The following GRM7 variants were observed in gnomAD, a reference collection of about 807,000 sequenced individuals.
The protein encoded by GRM7 is metabotropic glutamate receptor 7.
In GRM7, 35 loss-of-function variants were observed where a neutral mutation model predicts 84.5. The ratio of observed to expected loss-of-function variants is 0.41; its 90% CI spans 0.32 to 0.55. The LOEUF is 0.55. Ranked by LOEUF, GRM7 falls within the 20% of genes least tolerant of loss-of-function variation. The pLI is 0.19. For synonymous variants in GRM7, 487 were observed against 455.1 expected (o/e 1.07, Z -0.89); for missense variants, 1,003 against 1,194.6 (o/e 0.84, Z 2.36).
At position 7,269,698 on chromosome 3, in the gene GRM7, A is replaced by C. The variant is rs1318923520; in HGVS notation, c.737-28986A>C. ...CTTCTAGTCATTCAAATTAAAGTTT[A>C]TTTTTCTGCTGGGTAAGGAAGACAG... On this transcript the variant is annotated intron_variant, in intron 2 of 9. Transcript: ENST00000357716. 2.6e-5 allele frequency among the ~76,000 whole-genome samples: 4 copies of C among 151,972 alleles called. No individual in the cohort carries two copies. In the East Asian group the frequency reaches 7.7e-4, roughly 29 times the overall value.
chr3:7,470,224 G>A (rs1375279388), intron 7 of GRM7, among the ~76,000 whole-genome samples: 1 of 152,098 alleles, frequency 6.6e-6, no homozygotes, highest in Non-Finnish European at 1.5e-5. Context: ...TAGTTTCAAT[G>A]TATGCTTAAC....
At chr3:6,991,535 A>C (rs1694634974) in intron 1 of GRM7, among the ~76,000 whole-genome samples, 1 of 152,248 alleles carries the variant, frequency 6.6e-6, no homozygotes, top group Admixed American at 6.5e-5. Context: ...GTTAAGAGTC[A>C]GTGAAGAAGA....
rs1314437365 is a variant in GRM7 at position 7,229,745 on chromosome 3, ATATATATATATATAT to A, written c.737-68937_737-68923del. Among the ~76,000 whole-genome samples, 31 of 30,878 alleles carry A rather than the reference ATATATATATATATAT, an allele frequency of 1.0e-3. 2 individuals carry two copies. The highest frequency in any genetic ancestry group is 4.8e-3 in the South Asian group (4 of 838). 20.3% of individuals were successfully genotyped at this position (30,878 alleles called of 152,430 possible). ...CACACACATATATATATATATATAT[ATATATATATATATAT>A]TTTTTTTTTTTTTTGGTTGACAGGT... is the stretch of plus-strand genomic sequence containing the variant. On this transcript the variant is annotated intron_variant, in intron 2 of 9. Transcript: ENST00000357716.
chr3:7,069,445 C>A (rs1697785568), intron 1 of GRM7, among the ~76,000 whole-genome samples: 1 of 152,012 alleles, frequency 6.6e-6, no homozygotes, highest in Non-Finnish European at 1.5e-5. Flanking sequence ...TCCCATGGGC[C>A]AAACCTAATT....
chr3:7,336,421 C>T (rs772631668), intron 4 of GRM7, among the ~76,000 whole-genome samples: 9 of 151,888 alleles, frequency 5.9e-5, no homozygotes, highest in African/African-American at 9.7e-5. Context: ...CTGTGACAAA[C>T]CCACAGTCAA....
intron 7 of GRM7, among the ~76,000 whole-genome samples, chr3:7,461,974 G>A (rs1171760474): frequency 6.6e-6 from 1 of 152,168 alleles, no homozygotes; most frequent in East Asian, 1.9e-4. Context: ...TGAGACTGGG[G>A]TTACTTAGCA....
chr3:7,068,834 A>G (rs1697761917), intron 1 of GRM7, among the ~76,000 whole-genome samples: 3 of 151,948 alleles, frequency 2.0e-5, no homozygotes, highest in Non-Finnish European at 4.4e-5. Flanking sequence ...AACCCCTGAT[A>G]TATATTAAAT....
At chr3:7,311,118 C>T (rs1056893768) in intron 4 of GRM7, among the ~76,000 whole-genome samples, 21 of 151,876 alleles carry the variant, frequency 1.4e-4, no homozygotes, top group African/African-American at 5.1e-4. Flanking sequence ...TTCTAGAGGT[C>T]AAGAATAAAA....
Position 7,118,458 on chromosome 3 carries a change from T to A in GRM7, c.520-27994T>A, listed in dbSNP as rs76851504. Among the ~76,000 whole-genome samples, 684 of 150,166 alleles carry A rather than the reference T, an allele frequency of 4.6e-3. 6 individuals are homozygous for A. Among genetic ancestry groups the A allele is most frequent in the African/African-American group, 0.016 (655 of 40,752 alleles). On this transcript the variant is annotated intron_variant, in intron 1 of 9. Transcript: ENST00000357716. ...AACTTCACCATTATCTAAAATCCTT[T>A]TTAGAGAAAGAATAAAATTTAATCT...
chr3:7,330,345 G>A (rs1701155118), intron 4 of GRM7, among the ~76,000 whole-genome samples: 2 of 152,118 alleles, frequency 1.3e-5, no homozygotes, highest in African/African-American at 2.4e-5. Context: ...CCATTTCTGT[G>A]TTGATTTACA....
At chr3:7,337,533 C>A (rs1279090292) in intron 4 of GRM7, among the ~76,000 whole-genome samples, 4 of 151,796 alleles carry the variant, frequency 2.6e-5, no homozygotes, top group African/African-American at 9.7e-5. Context: ...GGACTAATAT[C>A]CAAAAATCTA....
At chr3:7,197,561 A>G (rs2125110663) in intron 2 of GRM7, among the ~76,000 whole-genome samples, 1 of 152,218 alleles carries the variant, frequency 6.6e-6, no homozygotes, top group East Asian at 1.9e-4. Context: ...AATGTAGTCC[A>G]TTCATATAGA....
At chr3:7,517,575 G>A (rs1303195970) in intron 7 of GRM7, among the ~76,000 whole-genome samples, 9 of 151,944 alleles carry the variant, frequency 5.9e-5, no homozygotes, top group Non-Finnish European at 5.9e-5. Flanking sequence ...GTATTTTTTT[G>A]TAGAGACAAG....
chr3:7,679,388 C>T (rs1405449750), intron 8 of GRM7, among the ~76,000 whole-genome samples: 3 of 150,734 alleles, frequency 2.0e-5, no homozygotes, highest in Non-Finnish European at 4.4e-5. Flanking sequence ...CTGCAAATAA[C>T]ACAACTCCAG....
intron 8 of GRM7, among the ~76,000 whole-genome samples, chr3:7,598,611 A>G (rs2125068574): frequency 6.6e-6 from 1 of 152,316 alleles, no homozygotes; most frequent in South Asian, 2.1e-4. Context: ...TAAGAAAATA[A>G]AGTAGGACTT....
At chr3:6,974,025 C>G (rs1001034977) in intron 1 of GRM7, among the ~76,000 whole-genome samples, 1 of 152,170 alleles carries the variant, frequency 6.6e-6, no homozygotes, top group Non-Finnish European at 1.5e-5. Flanking sequence ...GATGGTAGCT[C>G]AGACCAGAGT....
At chr3:7,593,518 T>C (rs1575533623) in intron 8 of GRM7, among the ~76,000 whole-genome samples, 1 of 152,268 alleles carries the variant, frequency 6.6e-6, no homozygotes, top group African/African-American at 2.4e-5. Flanking sequence ...AGATGGGAGA[T>C]AGATCTTACC....
intron 7 of GRM7, among the ~76,000 whole-genome samples, chr3:7,497,931 TAACA>T (rs1699760479): frequency 6.6e-6 from 1 of 152,202 alleles, no homozygotes; most frequent in African/African-American, 2.4e-5. Context: ...CAGATATTAC[TAACA>T]ATCAATAATA....
intron 1 of GRM7, among the ~76,000 whole-genome samples, chr3:7,091,327 G>A (rs1230615668): frequency 6.6e-6 from 1 of 152,106 alleles, no homozygotes; most frequent in Non-Finnish European, 1.5e-5. Flanking sequence ...TTTCTCCAGT[G>A]ACTTAAAGTG....
Sources: gnomAD v4.1 joint callset for allele counts (sites outside exome capture counted in the v4.1 genomes callset) on GRCh38, gnomAD v4.1.1 for gene constraint, MANE v1.5 for transcripts, NCBI Gene and HGNC (gene_info 2026-07-23, HGNC 2026-07-21) for gene names.